Variants in UBE2E1 observed in about 807,000 individuals in gnomAD.
UBE2E1 encodes the protein ubiquitin-conjugating enzyme E2 E1.
Under a neutral mutation model 21.4 loss-of-function variants are expected in UBE2E1, and 6 were observed. That is an observed-to-expected ratio of 0.28 (90% CI 0.15 to 0.55). The LOEUF is 0.55. UBE2E1 is among the 20% of genes least tolerant of loss of function. The pLI, the probability that UBE2E1 is intolerant of heterozygous loss-of-function variation, is 0.93. For synonymous variants in UBE2E1, 87 were observed against 82.7 expected, an observed-to-expected ratio of 1.05 and a Z score of -0.28; for missense variants, 142 against 236.5, an observed-to-expected ratio of 0.60 and a Z score of 2.62.
intron 3 of UBE2E1, among the ~76,000 whole-genome samples, chr3:23,886,496 C>T (rs532907721): frequency 3.3e-5 from 5 of 152,272 alleles, no homozygotes; most frequent in Admixed American, 2.0e-4. Context: ...GTTTTCTTCC[C>T]CAACTTGTAT....
chr3:23,845,589 C>CTGTGTGTG lies in UBE2E1; in HGVS notation c.203+34099_203+34106dup, dbSNP rs377458829. ...TCTCTCTCTCTCTCTCTCTCTCTCTCTGTGTGTGTGTGTGTGTGTGTGTGT... is the reference window on the plus strand; with the variant it reads ...TCTCTCTCTCTCTCTCTCTCTCTCTCTGTGTGTGTGTGTGTGTGTGTGTGTGTGTGTGT... On this transcript the variant is annotated intron_variant, in intron 3 of 5. Transcript: ENST00000306627. Among the ~76,000 whole-genome samples the CTGTGTGTG allele has an allele frequency of 1.4e-3, 171 of 121,354 alleles. 1 individual carries two copies. Among genetic ancestry groups the CTGTGTGTG allele is most frequent in the African/African-American group, 4.7e-3 (147 of 31,134 alleles). The allele number at this position is 121,354 out of a possible 152,430, so 79.6% of individuals were successfully genotyped here.
In UBE2E1 at chr3:23,886,021, A is replaced by AC. The variant is rs1389956423; in HGVS notation, c.204-1541dup. ...AGACCAGCCTGGGCAACATAGAGAG[A>AC]CCCCCATCTACACAAATTAAATAGA... On this transcript the variant is annotated intron_variant, in intron 3 of 5. Transcript: ENST00000306627. Among the ~76,000 whole-genome samples, 15 of 151,878 alleles carry AC rather than the reference A, an allele frequency of 9.9e-5. 1 individual carries two copies. The highest frequency in any genetic ancestry group is 6.6e-5 in the Admixed American group (1 of 15,256).
chr3:23,826,326 G>A (rs982728354), intron 3 of UBE2E1, among the ~76,000 whole-genome samples: 1 of 152,218 alleles, frequency 6.6e-6, no homozygotes. Flanking sequence ...GTGAATGTTT[G>A]TAATGCATAC....
chr3:23,832,838 C>A (rs1699898262), intron 3 of UBE2E1, among the ~76,000 whole-genome samples: 1 of 151,966 alleles, frequency 6.6e-6, no homozygotes, highest in Non-Finnish European at 1.5e-5. Context: ...TGAGACCAGT[C>A]TGAGCAACAT....
rs1700765127 is a variant in UBE2E1, at chr3:23,870,694, T to TTTATG, written c.204-16869_204-16868insGTTAT. On this transcript the variant is annotated intron_variant, in intron 3 of 5. Coordinates refer to ENST00000306627, the MANE Select transcript of UBE2E1 (RefSeq NM_003341.5). This position sits in a 1 kb window ranked among gnomAD's most constrained non-coding sequence, Gnocchi z 4.2. ...AAATTCTTTTTTTATTTTATTTTAT[T>TTTATG]TTATTGATCATTCTTGGGTGTTTCT... 6.6e-6 allele frequency among the ~76,000 whole-genome samples: 1 copy of TTTATG among 152,232 alleles called. No individual in the cohort carries two copies. Among genetic ancestry groups the TTTATG allele is most frequent in the Non-Finnish European group, 1.5e-5 (1 of 68,026 alleles).
At chr3:23,878,654 A>C (rs1700972530) in intron 3 of UBE2E1, among the ~76,000 whole-genome samples, 1 of 152,170 alleles carries the variant, frequency 6.6e-6, no homozygotes, top group African/African-American at 2.4e-5. Flanking sequence ...GGCACACGCA[A>C]ACCCTATTGT....
intron 3 of UBE2E1, among the ~76,000 whole-genome samples, chr3:23,855,559 G>T (rs1700415978): frequency 6.6e-6 from 1 of 152,154 alleles, no homozygotes; most frequent in Admixed American, 6.5e-5. Context: ...GCCGGGCGCG[G>T]TGGCTCACAC....
At chr3:23,873,838 A>G (rs1005097162) in intron 3 of UBE2E1, among the ~76,000 whole-genome samples, 1 of 152,266 alleles carries the variant, frequency 6.6e-6, no homozygotes, top group Non-Finnish European at 1.5e-5. Flanking sequence ...GGGTAACCAT[A>G]TAACATGCAA....
At chr3:23,850,527 A>ATTT (rs145682143) in intron 3 of UBE2E1, among the ~76,000 whole-genome samples, 1 of 149,032 alleles carries the variant, frequency 6.7e-6, no homozygotes, top group African/African-American at 2.5e-5. Context: ...TATTATTATT[A>ATTT]TTTTTTTTTG....
At chr3:23,826,443 G>A (rs1699761916) in intron 3 of UBE2E1, among the ~76,000 whole-genome samples, 1 of 152,218 alleles carries the variant, frequency 6.6e-6, no homozygotes, top group South Asian at 2.1e-4. Context: ...TCTGGCAGTA[G>A]GGAAGCATCA....
At chr3:23,882,705 G>A (rs917369215) in intron 3 of UBE2E1, among the ~76,000 whole-genome samples, 8 of 152,360 alleles carry the variant, frequency 5.3e-5, no homozygotes, top group South Asian at 4.1e-4. Context: ...GAGGCCTGGC[G>A]AGAATTTGAG....
At chr3:23,858,596 A>G (rs1700488178) in intron 3 of UBE2E1, among the ~76,000 whole-genome samples, 5 of 152,244 alleles carry the variant, frequency 3.3e-5, no homozygotes, top group Non-Finnish European at 2.9e-5. Flanking sequence ...CTAGGATTAC[A>G]GGAGTGACCC....
intron 3 of UBE2E1, among the ~76,000 whole-genome samples, chr3:23,849,257 G>T (rs1423920053): frequency 6.6e-6 from 1 of 151,856 alleles, no homozygotes; most frequent in Non-Finnish European, 1.5e-5. Flanking sequence ...TATTATCCAT[G>T]GTTTTTATTG....
chr3:23,880,237 G>C (rs1701007724), intron 3 of UBE2E1, among the ~76,000 whole-genome samples: 1 of 152,216 alleles, frequency 6.6e-6, no homozygotes, highest in Non-Finnish European at 1.5e-5. Context: ...ACAAAAATTA[G>C]CTGGGTGTGG....
intron 3 of UBE2E1, among the ~76,000 whole-genome samples, chr3:23,867,377 T>G (rs1189468203): frequency 1.3e-5 from 2 of 152,250 alleles, no homozygotes; most frequent in Non-Finnish European, 2.9e-5. Context: ...TAATAAATTC[T>G]GGAGAATTGA....
intron 3 of UBE2E1, among the ~76,000 whole-genome samples, chr3:23,875,907 G>A (rs566449288): frequency 6.6e-6 from 1 of 152,190 alleles, no homozygotes; most frequent in Admixed American, 6.5e-5. Flanking sequence ...TGAGTAGCTG[G>A]GATTACAGGC....
At chr3:23,881,383 C>T (rs1210138437) in intron 3 of UBE2E1, among the ~76,000 whole-genome samples, 3 of 152,152 alleles carry the variant, frequency 2.0e-5, no homozygotes, top group African/African-American at 7.2e-5. Flanking sequence ...ACAAATAAAC[C>T]TTAAACCTCT....
intron 3 of UBE2E1, among the ~76,000 whole-genome samples, chr3:23,844,116 T>C (rs1700147150): frequency 6.6e-6 from 1 of 152,162 alleles, no homozygotes; most frequent in South Asian, 2.1e-4. Context: ...GTGAGTAGTC[T>C]CTAAGGCGCA....
At chr3:23,809,346 A>G (rs1483299691) in intron 2 of UBE2E1, among the ~76,000 whole-genome samples, 1 of 152,202 alleles carries the variant, frequency 6.6e-6, no homozygotes, top group African/African-American at 2.4e-5. Context: ...TCTGTGAAGT[A>G]TATTGATTTG....
Sources: allele counts gnomAD v4.1 joint callset (sites outside exome capture counted in the v4.1 genomes callset), GRCh38; gene constraint gnomAD v4.1.1; non-coding constraint Gnocchi (gnomAD v3.1); transcripts MANE v1.5; gene names NCBI Gene and HGNC (gene_info 2026-07-23, HGNC 2026-07-21).